Variants in DSC3 observed in about 807,000 individuals in gnomAD.
DSC3 encodes desmocollin-3.
A neutral mutation model predicts 89.5 loss-of-function variants in DSC3; 97 were observed. The observed-to-expected ratio is 1.08, with a 90% CI of 0.92 to 1.28. The LOEUF (loss-of-function observed/expected upper bound fraction) is 1.28, where lower values mean the gene tolerates loss of function less well. Ranked by LOEUF, DSC3 falls within the 50% of genes most tolerant of loss-of-function variation. The pLI, the probability that DSC3 is intolerant of heterozygous loss-of-function variation, is 0.00. For missense variants in DSC3, 1,199 were observed against 1,085.3 expected (o/e 1.10, Z -1.47); for synonymous variants, 436 against 384.1 (o/e 1.14, Z -1.58).
chr18:30,994,253 C>G lies in DSC3; in HGVS notation c.2613G>C (p.Gln871His), dbSNP rs1266211301. 10 of 1,613,928 alleles carry G rather than the reference C, an allele frequency of 6.2e-6. No individual in the cohort carries two copies. Among genetic ancestry groups the G allele is most frequent in the Non-Finnish European group, 8.5e-6 (10 of 1,179,974 alleles). The change falls in exon 16 of 16, where the codon CAG becomes CAC. Residue 871 changes from glutamine to histidine, a missense_variant. Physicochemically the swap from Gln to His is conservative, Grantham distance 24 (BLOSUM62 0). Coordinates refer to ENST00000360428, the MANE Select transcript of DSC3 (RefSeq NM_001941.5). The stretch of plus-strand genomic sequence containing the variant: ...TTAAAAAGTCAAGGCCATCTTCTTC[C>G]TGCTTTTCACTGCAGCAGCCCACAG... Reference protein sequence around the residue: ...AGSVGCCSEKQEEDGLDFLNN... With the variant: ...AGSVGCCSEKHEEDGLDFLNN...
rs1985458463 is a variant in DSC3, at chr18:31,022,487, A to G, written c.791T>C (p.Val264Ala). 12 of 1,613,852 alleles carry G rather than the reference A, an allele frequency of 7.4e-6. No homozygotes were observed. Among genetic ancestry groups the G allele is most frequent in the Non-Finnish European group, 1.0e-5 (12 of 1,179,960 alleles). Residue 264 changes from valine to alanine, a missense_variant, in exon 7 of 16, where the codon GTG becomes GCG. Val to Ala is a moderately conservative substitution (Grantham distance 64). Coordinates refer to ENST00000360428, the MANE Select transcript of DSC3 (RefSeq NM_001941.5). Reference protein sequence around the residue: ...ESSRPGTTVGVVCATDRDEPD... With the variant: ...ESSRPGTTVGAVCATDRDEPD... ...TTCATCTCTGTCTGTGGCACAAACC[A>G]CCCCCACTGTAGTACCTACACATTA...
rs747471270 is a variant in DSC3, at chr18:31,029,510, T to C, written c.473A>G (p.Gln158Arg). The change falls in exon 4 of 16, where the codon CAA (glutamine) becomes CGA (arginine). Residue 158 changes from glutamine to arginine, a missense_variant and splice_region_variant. Coordinates refer to ENST00000360428, the MANE Select transcript of DSC3 (RefSeq NM_001941.5). The stretch of plus-strand genomic sequence containing the variant: ...TGACCAGAAAAGGTGTAAACCTACT[T>C]GTTGAAGAAACAATGGGAAAGGGCC... ...SLGPFPLFLQ[Q>R]VESDAAQNYT... 32 of 1,613,676 alleles carry C rather than the reference T, an allele frequency of 2.0e-5. No homozygotes were observed. Among genetic ancestry groups the C allele is most frequent in the Non-Finnish European group, 2.5e-5 (29 of 1,179,690 alleles).
Position 31,042,707 on chromosome 18 carries a change from C to G in DSC3, c.-47G>C, listed in dbSNP as rs774694192. 7.2e-6 allele frequency: 11 copies of G among 1,526,708 alleles called. No homozygotes were observed. Among genetic ancestry groups the G allele is most frequent in the Middle Eastern group, 1.9e-4 (1 of 5,272 alleles). The allele number at this position is 1,526,708 out of a possible 1,614,324, so 94.6% of individuals were successfully genotyped here. A position where few individuals can be genotyped will look rare whatever the true frequency, so the allele number is the denominator to read the frequency against. ...GAGAACGCGGGCGCCGGGAGGGTGCCGAGAGCGAGACCTGCCGAGGTGCAG... is the reference window on the plus strand; with the variant it reads ...GAGAACGCGGGCGCCGGGAGGGTGCGGAGAGCGAGACCTGCCGAGGTGCAG... On this transcript the variant is annotated 5_prime_UTR_variant, in exon 1 of 16. Coordinates refer to ENST00000360428, the MANE Select transcript of DSC3 (RefSeq NM_001941.5).
chr18:31,023,699 G>A (rs1163199615), intron 6 of DSC3, among the ~76,000 whole-genome samples: 1 of 152,076 alleles, frequency 6.6e-6, no homozygotes, highest in Non-Finnish European at 1.5e-5. Flanking sequence ...TAACTTTATT[G>A]TGAGGGGTTA....
chr18:31,002,485 G>C (rs1314310), intron 13 of DSC3, among the ~76,000 whole-genome samples: 38,149 of 151,996 alleles, frequency 0.25, 5,272 homozygotes, highest in East Asian at 0.59. Flanking sequence ...TGGATCACCT[G>C]AGATCAGGAG....
intron 14 of DSC3, among the ~76,000 whole-genome samples, chr18:30,999,128 C>T (rs1044220316): frequency 1.3e-5 from 2 of 152,240 alleles, no homozygotes; most frequent in South Asian, 2.1e-4. Flanking sequence ...GTGGTAACCT[C>T]GACATGTCAG....
Position 30,989,642 on chromosome 18 carries a change from T to C in DSC3, c.*4533A>G, listed in dbSNP as rs1984166063. ...CATGTTTTATGAATTTTACCATTTT[T>C]TAAGTAAAGGGAAAAGAAGGTTCTG... is the stretch of plus-strand genomic sequence containing the variant. On this transcript the variant is annotated 3_prime_UTR_variant, in exon 16 of 16. Coordinates refer to ENST00000360428, the MANE Select transcript of DSC3 (RefSeq NM_001941.5). 6.6e-6 allele frequency among the ~76,000 whole-genome samples: 1 copy of C among 152,190 alleles called. No individual in the cohort carries two copies. The highest frequency in any genetic ancestry group is 2.4e-5 in the African/African-American group (1 of 41,450).
intron 10 of DSC3, 33 bp downstream of exon 10, chr18:31,008,236 A>T: frequency 6.2e-7 from 1 of 1,611,654 alleles, no homozygotes; most frequent in Non-Finnish European, 8.5e-7. Context: ...TTACAAATAC[A>T]TTATTAGTAT....
intron 1 of DSC3, 84 bp downstream of exon 1, chr18:31,042,508 C>G (rs966471731): frequency 2.1e-6 from 3 of 1,402,232 alleles, no homozygotes; most frequent in Non-Finnish European, 3.0e-6. Flanking sequence ...CGTTTCGGCC[C>G]GCTTTGTCCC....
At chr18:31,028,904 C>T (rs765673099) in intron 4 of DSC3, among the ~76,000 whole-genome samples, 15 of 152,264 alleles carry the variant, frequency 9.9e-5, no homozygotes, top group Non-Finnish European at 2.1e-4. Flanking sequence ...TTCCATCAAA[C>T]CTTGGAAGAC....
At chr18:31,004,745 T>C (rs1052135736) in intron 12 of DSC3, among the ~76,000 whole-genome samples, 3 of 152,170 alleles carry the variant, frequency 2.0e-5, no homozygotes, top group Admixed American at 6.5e-5. Context: ...TTCTTATCCA[T>C]TGACCTTCTA....
chr18:31,012,032 C>T (rs1878290688), intron 9 of DSC3, among the ~76,000 whole-genome samples: 1 of 143,930 alleles, frequency 6.9e-6, no homozygotes, highest in African/African-American at 2.6e-5. Flanking sequence ...AACTCTTTCC[C>T]AAGGAAAAGA....
Position 31,042,613 on chromosome 18 carries a change from C to A in DSC3, c.48G>T (p.Leu16=), listed in dbSNP as rs575452650. ...TTACCACGAGGGTCAGCAGCAGATG[C>A]AGGCAGACGGCTCCGCGCACGGAGC... ...PRRSVRGAVC[L]HLLLTLVIFS... Residue 16 remains leucine (L), a synonymous_variant, in exon 1 of 16, where the codon CTG becomes CTT. Transcript: ENST00000360428. 33 of 1,550,538 alleles carry A rather than the reference C, an allele frequency of 2.1e-5. No individual in the cohort carries two copies. The African/African-American group carries it at 3.4e-4, about 16-fold the overall frequency.
chr18:31,017,925 G>A (rs1286166440), intron 9 of DSC3, 146 bp downstream of exon 9: 1 of 593,758 alleles, frequency 1.7e-6, no homozygotes. Context: ...AAGACACACA[G>A]GCATGAGATT....
intron 14 of DSC3, among the ~76,000 whole-genome samples, chr18:31,000,630 C>G (rs563563887): frequency 6.6e-6 from 1 of 152,268 alleles, no homozygotes; most frequent in South Asian, 2.1e-4. Flanking sequence ...TATTCTAAAT[C>G]AATTTATTTA....
At chr18:31,016,452 A>G (rs1235648972) in intron 9 of DSC3, among the ~76,000 whole-genome samples, 1 of 152,188 alleles carries the variant, frequency 6.6e-6, no homozygotes, top group Non-Finnish European at 1.5e-5. Context: ...TTAACAGAAC[A>G]TCTGTTGCAA....
intron 1 of DSC3, among the ~76,000 whole-genome samples, chr18:31,035,812 C>T (rs1985951895): frequency 1.3e-5 from 2 of 152,194 alleles, no homozygotes; most frequent in East Asian, 1.9e-4. Context: ...AACTCTTCTC[C>T]AGGGAATAGA....
At position 31,042,467 on chromosome 18, in the gene DSC3, C is replaced by G. The variant is rs1249936236; in HGVS notation, c.69+125G>C. ...GCCCGAACTTGGGGCTGCTACCAGA[C>G]CCGCAGCATTGATCTGAGCCGCGGT... On this transcript the variant is annotated intron_variant, in intron 1 of 15. Coordinates refer to ENST00000360428, the MANE Select transcript of DSC3 (RefSeq NM_001941.5). 3 of 974,638 alleles carry G rather than the reference C, an allele frequency of 3.1e-6. No homozygotes were observed. The East Asian group carries it at 7.9e-5, about 26-fold the overall frequency. 60.4% of individuals were successfully genotyped at this position (974,638 alleles called of 1,614,324 possible). A position where few individuals can be genotyped will look rare whatever the true frequency, so the allele number is the denominator to read the frequency against.
chr18:31,007,986 T>C (rs759515927), intron 11 of DSC3, 30 bp downstream of exon 11: 7 of 1,556,902 alleles, frequency 4.5e-6, no homozygotes, highest in Middle Eastern at 1.8e-4. Flanking sequence ...AATTCCTTTA[T>C]AGAATACCAG....
Sources: gnomAD v4.1 joint callset for allele counts (sites outside exome capture counted in the v4.1 genomes callset) on GRCh38, gnomAD v4.1.1 for gene constraint, MANE v1.5 for transcripts, NCBI Gene and HGNC (gene_info 2026-07-23, HGNC 2026-07-21) for gene names.